Variants in DDX4 observed in about 807,000 individuals in gnomAD.
The protein encoded by DDX4 is probable ATP-dependent RNA helicase DDX4.
In DDX4, 25 loss-of-function variants were observed where a neutral mutation model predicts 100.0. The ratio of observed to expected loss-of-function variants is 0.25; its 90% CI spans 0.18 to 0.35. The LOEUF (loss-of-function observed/expected upper bound fraction) is 0.35. Ranked by LOEUF, DDX4 falls within the 10% of genes least tolerant of loss-of-function variation. The pLI, the probability that DDX4 is intolerant of heterozygous loss-of-function variation, is 1.00. For synonymous variants in DDX4, 259 were observed against 275.7 expected (o/e 0.94, Z 0.60); for missense variants, 635 against 882.4 (o/e 0.72, Z 3.55).
intron 1 of DDX4, 137 bp from the exon 2 acceptor site, chr5:55,738,813 T>A: frequency 1.5e-6 from 1 of 655,196 alleles, no homozygotes; most frequent in Non-Finnish European, 2.7e-6. Flanking sequence ...TAATTCCTTC[T>A]TTGGAAAAAA....
intron 18 of DDX4, among the ~76,000 whole-genome samples, chr5:55,803,346 T>TAG (rs1743449202): frequency 6.7e-6 from 1 of 150,242 alleles, no homozygotes; most frequent in Non-Finnish European, 1.5e-5. Flanking sequence ...TTATTATACT[T>TAG]TAAGTTTTAG....
intron 6 of DDX4, chr5:55,767,050 A>G: frequency 6.8e-7 from 1 of 1,466,210 alleles, no homozygotes; most frequent in Non-Finnish European, 9.0e-7. Context: ...AATATCAAAA[A>G]TGGAGAAGCT....
At chr5:55,800,631 T>G (rs1743240155) in intron 18 of DDX4, among the ~76,000 whole-genome samples, 1 of 152,172 alleles carries the variant, frequency 6.6e-6, no homozygotes, top group Admixed American at 6.5e-5. Context: ...GCCAAGATTT[T>G]TTTTATATAT....
rs1742187123 is a variant in DDX4 at position 55,785,493 on chromosome 5, A to G, written c.720A>G (p.Gln240=). ...EAEGGESSDT[Q]GPKVTYIPPP... Reference sequence around the variant, plus strand: ...AAGGAGGAGAAAGTAGTGATACTCAAGGTATATTAACATTTGTGTGACTCA... The same window carrying G: ...AAGGAGGAGAAAGTAGTGATACTCAGGGTATATTAACATTTGTGTGACTCA... Residue 240 remains glutamine, a splice_region_variant and synonymous_variant, in exon 12 of 22, where the codon CAA becomes CAG. Coordinates refer to ENST00000505374, the MANE Select transcript of DDX4 (RefSeq NM_024415.3). 1 of 1,596,704 alleles carries G rather than the reference A, an allele frequency of 6.3e-7. No individual in the cohort carries two copies. Among genetic ancestry groups the G allele is most frequent in the African/African-American group, 1.3e-5 (1 of 74,450 alleles).
intron 2 of DDX4, among the ~76,000 whole-genome samples, chr5:55,745,628 G>T (rs1185004183): frequency 6.6e-6 from 1 of 151,892 alleles, no homozygotes; most frequent in African/African-American, 2.4e-5. Flanking sequence ...TCACCATGTT[G>T]CCCCGGCTGG....
At chr5:55,804,985 C>G (rs2112143493) in intron 18 of DDX4, among the ~76,000 whole-genome samples, 2 of 151,656 alleles carry the variant, frequency 1.3e-5, no homozygotes, top group Non-Finnish European at 2.9e-5. Flanking sequence ...TGTTTGTATC[C>G]TCTTTTATTT....
chr5:55,771,471 T>C (rs1335457859), intron 7 of DDX4, among the ~76,000 whole-genome samples: 1 of 152,228 alleles, frequency 6.6e-6, no homozygotes, highest in Non-Finnish European at 1.5e-5. Flanking sequence ...TAGTATTCTT[T>C]TGTTTTACTG....
chr5:55,790,412 C>T (rs565147848), intron 15 of DDX4, among the ~76,000 whole-genome samples, 164 bp from the exon 16 acceptor site: 34 of 152,338 alleles, frequency 2.2e-4, no homozygotes, highest in African/African-American at 7.9e-4. Flanking sequence ...TCCCAAAGTG[C>T]TGGGATTACA....
At chr5:55,749,479 G>A (rs1189722371) in intron 3 of DDX4, among the ~76,000 whole-genome samples, 1 of 152,094 alleles carries the variant, frequency 6.6e-6, no homozygotes, top group African/African-American at 2.4e-5. Context: ...TTTGAGGGTG[G>A]ATCATTAAAA....
chr5:55,807,389 C>G (rs537833056), intron 18 of DDX4, among the ~76,000 whole-genome samples: 1 of 151,988 alleles, frequency 6.6e-6, no homozygotes, highest in East Asian at 1.9e-4. Context: ...TTATTTTGCT[C>G]GTTAGTTGAT....
chr5:55,744,751 C>T (rs1228570095), intron 2 of DDX4, among the ~76,000 whole-genome samples: 2 of 152,204 alleles, frequency 1.3e-5, no homozygotes, highest in African/African-American at 4.8e-5. Flanking sequence ...TAAAATTAAC[C>T]ATGAATATTC....
In DDX4 at chr5:55,815,022, A is replaced by G. The variant is rs1386901730; in HGVS notation, c.1837A>G (p.Ile613Val). Residue 613 changes from isoleucine (I) to valine (V), a missense_variant, in exon 20 of 22, where the codon ATC becomes GTC. Ile to Val is a conservative substitution (Grantham distance 29). Transcript: ENST00000505374. Reference protein sequence around the residue: ...GLDIENVQHVINFDLPSTIDE... With the variant: ...GLDIENVQHVVNFDLPSTIDE... ...GGATATTGAAAATGTGCAACATGTT[A>G]TCAATTTTGATCTTCCTTCTACCAT... 4 of 1,614,186 alleles carry G rather than the reference A, an allele frequency of 2.5e-6. No homozygotes were observed. Among genetic ancestry groups the G allele is most frequent in the Non-Finnish European group, 3.4e-6 (4 of 1,179,990 alleles).
chr5:55,767,220 A>AC (rs1199866042), intron 6 of DDX4, among the ~76,000 whole-genome samples: 2 of 152,166 alleles, frequency 1.3e-5, no homozygotes, highest in Non-Finnish European at 2.9e-5. Context: ...TGGGCGAATC[A>AC]CCTGAGGTTC....
chr5:55,768,945 A>T (rs1177860842), intron 7 of DDX4, among the ~76,000 whole-genome samples: 1 of 152,040 alleles, frequency 6.6e-6, no homozygotes, highest in Non-Finnish European at 1.5e-5. Context: ...GCCCATGTCC[A>T]TTGTCCACTT....
intron 18 of DDX4, among the ~76,000 whole-genome samples, chr5:55,811,347 C>T (rs1744114672): frequency 6.6e-6 from 1 of 152,068 alleles, no homozygotes; most frequent in South Asian, 2.1e-4. Context: ...CAAAATGTGT[C>T]TCCCCCAGGT....
chr5:55,743,443 T>G (rs1759091903), intron 2 of DDX4, among the ~76,000 whole-genome samples: 1 of 152,202 alleles, frequency 6.6e-6, no homozygotes, highest in Non-Finnish European at 1.5e-5. Context: ...TTTCTTTTCT[T>G]TTTTGAGACA....
chr5:55,784,941 G>A (rs12652278), intron 10 of DDX4, among the ~76,000 whole-genome samples: 16,672 of 152,232 alleles, frequency 0.11, 1,047 homozygotes, highest in Middle Eastern at 0.15. Flanking sequence ...ATAACCATGA[G>A]TATGACTATA....
At chr5:55,809,948 T>A (rs1483121871) in intron 18 of DDX4, among the ~76,000 whole-genome samples, 1 of 152,198 alleles carries the variant, frequency 6.6e-6, no homozygotes, top group Non-Finnish European at 1.5e-5. Context: ...TTATAGAATT[T>A]TGAGCAGTGT....
At chr5:55,806,044 T>C (rs892533320) in intron 18 of DDX4, among the ~76,000 whole-genome samples, 2 of 152,202 alleles carry the variant, frequency 1.3e-5, no homozygotes, top group Admixed American at 1.3e-4. Context: ...CTTCCTGATT[T>C]AGTTTTGGGA....
Sources: gnomAD v4.1 joint callset for allele counts (sites outside exome capture counted in the v4.1 genomes callset) on GRCh38, gnomAD v4.1.1 for gene constraint, MANE v1.5 for transcripts, NCBI Gene and HGNC (gene_info 2026-07-23, HGNC 2026-07-21) for gene names.